RTN1: variants seen among roughly 807,000 people sequenced by gnomAD.
RTN1 encodes the protein reticulon-1.
In RTN1, 25 loss-of-function variants were observed where a neutral mutation model predicts 65.5. That is an observed-to-expected ratio of 0.38 (90% CI 0.28 to 0.53). RTN1 has a LOEUF of 0.53. RTN1 is among the 20% of genes least tolerant of loss of function. RTN1 has a pLI of 0.79. For synonymous variants in RTN1, 471 were observed against 447.6 expected (o/e 1.05, Z -0.66); for missense variants, 983 against 1,025.4 (o/e 0.96, Z 0.57).
chr14:59,616,897 A>G (rs191321454), intron 3 of RTN1, among the ~76,000 whole-genome samples: 29 of 152,318 alleles, frequency 1.9e-4, no homozygotes, highest in African/African-American at 6.7e-4. Flanking sequence ...AGTCAGGAGG[A>G]CTTATTTCTT....
chr14:59,826,063 A>G (rs1476657336), intron 1 of RTN1, among the ~76,000 whole-genome samples: 1 of 152,238 alleles, frequency 6.6e-6, no homozygotes, highest in African/African-American at 2.4e-5. Flanking sequence ...GTCCATGGGA[A>G]AGCAAGAAAC....
intron 3 of RTN1, among the ~76,000 whole-genome samples, chr14:59,613,680 C>A (rs1046781208): frequency 1.3e-5 from 2 of 152,020 alleles, no homozygotes; most frequent in Non-Finnish European, 1.5e-5. Context: ...TCTCAGTCGA[C>A]TGTATTATTT....
At chr14:59,731,242 G>A (rs1237489760) in intron 2 of RTN1, among the ~76,000 whole-genome samples, 1 of 152,158 alleles carries the variant, frequency 6.6e-6, no homozygotes, top group East Asian at 1.9e-4. Flanking sequence ...AAATAAGTCA[G>A]TCACAAAGGA....
intron 1 of RTN1, among the ~76,000 whole-genome samples, chr14:59,818,288 T>G (rs1886858731): frequency 6.6e-6 from 1 of 152,170 alleles, no homozygotes; most frequent in Middle Eastern, 3.2e-3. Flanking sequence ...CACAACCATT[T>G]CTCTGGAGGC....
chr14:59,657,824 G>A (rs1883154840), intron 3 of RTN1, among the ~76,000 whole-genome samples: 1 of 151,218 alleles, frequency 6.6e-6, no homozygotes, highest in South Asian at 2.1e-4. Flanking sequence ...CAGCCATTTG[G>A]GCAGACACCG....
chr14:59,605,803 A>G (rs1881727671), intron 4 of RTN1: 1 of 264,468 alleles, frequency 3.8e-6, no homozygotes, highest in Admixed American at 5.2e-5. Context: ...GAGAAAAAAA[A>G]TTAGTGCCAA....
chr14:59,848,685 AT>A (rs892563263), intron 1 of RTN1, among the ~76,000 whole-genome samples: 7 of 152,184 alleles, frequency 4.6e-5, no homozygotes, highest in Non-Finnish European at 7.4e-5. Flanking sequence ...TATGATCCCA[AT>A]ATGGTATTAA....
chr14:59,861,693 C>A (rs1026713723), intron 1 of RTN1, among the ~76,000 whole-genome samples: 5 of 152,206 alleles, frequency 3.3e-5, no homozygotes, highest in African/African-American at 1.2e-4. Context: ...AAATCTACTT[C>A]TCCACATCAC....
intron 1 of RTN1, among the ~76,000 whole-genome samples, chr14:59,819,927 C>T (rs760825424): frequency 6.6e-6 from 1 of 152,190 alleles, no homozygotes; most frequent in Non-Finnish European, 1.5e-5. Flanking sequence ...GCGCCTCTCC[C>T]TCCACACCTC....
chr14:59,796,961 A>T (rs1369720681), intron 1 of RTN1, among the ~76,000 whole-genome samples: 1 of 152,204 alleles, frequency 6.6e-6, no homozygotes, highest in Non-Finnish European at 1.5e-5. Flanking sequence ...TGAGTTAATC[A>T]ATAAAAGATC....
intron 1 of RTN1, among the ~76,000 whole-genome samples, chr14:59,788,217 A>T (rs1437383760): frequency 6.6e-6 from 1 of 152,228 alleles, no homozygotes; most frequent in Non-Finnish European, 1.5e-5. Flanking sequence ...CAAGTTTATC[A>T]AGAAGGCAAA....
At chr14:59,742,099 T>C (rs1885127417) in intron 2 of RTN1, among the ~76,000 whole-genome samples, 1 of 152,228 alleles carries the variant, frequency 6.6e-6, no homozygotes. Flanking sequence ...TCACTCTAAA[T>C]ATTTTTTGAA....
chr14:59,779,390 C>T (rs895862357), intron 1 of RTN1, among the ~76,000 whole-genome samples: 1 of 151,966 alleles, frequency 6.6e-6, no homozygotes, highest in African/African-American at 2.4e-5. Flanking sequence ...TAAATATGCT[C>T]ACTGGGATAG....
intron 3 of RTN1, among the ~76,000 whole-genome samples, chr14:59,647,320 A>G (rs1253854956): frequency 6.6e-6 from 1 of 152,238 alleles, no homozygotes; most frequent in African/African-American, 2.4e-5. Flanking sequence ...AGAGACCTGC[A>G]AAGAGACTTA....
At chr14:59,603,577 T>C (rs907674599) in intron 6 of RTN1, among the ~76,000 whole-genome samples, 10 of 151,758 alleles carry the variant, frequency 6.6e-5, no homozygotes, top group African/African-American at 2.4e-4. Context: ...GATCCAAATA[T>C]ATATATTGAT....
rs146994381 is a variant in RTN1, at chr14:59,724,605, C to T, written c.1765+2314G>A. ...TGGGGCTGGGCGTGGTGGCTCACGCCTGTAATCCCAGCACTTTGGGAGGCC... is the reference window on the plus strand; with the variant it reads ...TGGGGCTGGGCGTGGTGGCTCACGCTTGTAATCCCAGCACTTTGGGAGGCC... On this transcript the variant is annotated intron_variant, in intron 3 of 8. Coordinates refer to ENST00000267484, the MANE Select transcript of RTN1 (RefSeq NM_021136.3). Among the ~76,000 whole-genome samples, 341 of 152,260 alleles carry T rather than the reference C, an allele frequency of 2.2e-3. 8 individuals are homozygous for T. The East Asian group carries it at 0.036, about 16-fold the overall frequency.
intron 1 of RTN1, among the ~76,000 whole-genome samples, chr14:59,767,753 T>G (rs1023272779): frequency 5.9e-5 from 9 of 152,210 alleles, no homozygotes; most frequent in African/African-American, 2.2e-4. Context: ...TTCCCTATGG[T>G]GCTTTCCTTT....
At chr14:59,832,775 A>T (rs1042999905) in intron 1 of RTN1, among the ~76,000 whole-genome samples, 1 of 152,042 alleles carries the variant, frequency 6.6e-6, no homozygotes, top group African/African-American at 2.4e-5. Flanking sequence ...TCTTTACCAA[A>T]CCTTTAATGC....
intron 3 of RTN1, among the ~76,000 whole-genome samples, chr14:59,682,028 T>C (rs1594675566): frequency 6.6e-6 from 1 of 152,212 alleles, no homozygotes; most frequent in Admixed American, 6.5e-5. Context: ...AATCTGATCA[T>C]GGTGCTACCC....
Sources: allele counts gnomAD v4.1 joint callset (sites outside exome capture counted in the v4.1 genomes callset), GRCh38; gene constraint gnomAD v4.1.1; transcripts MANE v1.5; gene names NCBI Gene and HGNC (gene_info 2026-07-23, HGNC 2026-07-21).